Variants in SMAD2 observed in about 807,000 individuals in gnomAD.
The protein encoded by SMAD2 is MAD homolog 2.
In SMAD2, 8 loss-of-function variants were observed where a neutral mutation model predicts 64.4. The ratio of observed to expected loss-of-function variants is 0.12; its 90% CI spans 0.07 to 0.22. The LOEUF (loss-of-function observed/expected upper bound fraction) is 0.22, where lower values mean the gene tolerates loss of function less well. Among genes scored for constraint, SMAD2 ranks in the 10% least tolerant of loss-of-function variants. The probability of loss-of-function intolerance (pLI) is 1.00; values close to 1 mark genes in which losing one functional copy is unlikely to be tolerated. For missense variants in SMAD2, 289 were observed against 561.2 expected, an observed-to-expected ratio of 0.51 and a Z score of 4.90; for synonymous variants, 203 against 195.8, an observed-to-expected ratio of 1.04 and a Z score of -0.31.
At chr18:47,844,352 T>C (rs974974967) in intron 10 of SMAD2, among the ~76,000 whole-genome samples, 9 of 152,206 alleles carry the variant, frequency 5.9e-5, no homozygotes, top group African/African-American at 1.9e-4. Flanking sequence ...ACAATCACTA[T>C]ATTACATGAA....
rs370084368 is a variant in SMAD2, at chr18:47,839,535, C to T, written c.*2292G>A. ...GGCACTAAAACAGTGAGAGCTTACA[C>T]AACAAAAGCTTGTTAAATTAAGTAG... On this transcript the variant is annotated 3_prime_UTR_variant, in exon 11 of 11. Coordinates refer to ENST00000262160, the MANE Select transcript of SMAD2 (RefSeq NM_005901.6). 1 of 233,102 alleles carries T rather than the reference C, an allele frequency of 4.3e-6. No individual in the cohort carries two copies. Among genetic ancestry groups the T allele is most frequent in the African/African-American group, 2.2e-5 (1 of 45,316 alleles). 14.4% of individuals were successfully genotyped at this position (233,102 alleles called of 1,614,324 possible).
intron 2 of SMAD2, among the ~76,000 whole-genome samples, chr18:47,892,425 C>A (rs145992468): frequency 0.051 from 7,814 of 152,192 alleles, 669 homozygotes; most frequent in African/African-American, 0.18. Flanking sequence ...GTCTGAAACT[C>A]CTGACCTCAG....
At position 47,868,363 on chromosome 18, in the gene SMAD2, G is replaced by T. The variant is rs780724388; in HGVS notation, c.615C>A (p.Asn205Lys). 6.2e-7 allele frequency: 1 copy of T among 1,612,820 alleles called. No individual in the cohort carries two copies. The highest frequency in any genetic ancestry group is 8.5e-7 in the Non-Finnish European group (1 of 1,179,188). The part of the protein sequence containing the change: ...DYTHSIPENT[N>K]FPAGIEPQSN... ...TCTGTGGCTCAATTCCTGCTGGGAA[G>T]TTAGTGTTTTCTGGAATGGAGTGAG... is the stretch of plus-strand genomic sequence containing the variant. Residue 205 changes from asparagine to lysine, a missense_variant, in exon 5 of 11, where the codon AAC (asparagine) becomes AAA (lysine). By Grantham distance (94) the Asn-to-Lys change is moderately conservative. Transcript: ENST00000262160.
chr18:47,913,570 C>T (rs570390251), intron 1 of SMAD2, among the ~76,000 whole-genome samples: 4 of 152,256 alleles, frequency 2.6e-5, no homozygotes, highest in African/African-American at 9.6e-5. Flanking sequence ...GTAAGTAATG[C>T]TGATAATACA....
At chr18:47,861,230 C>A (rs987404872) in intron 6 of SMAD2, among the ~76,000 whole-genome samples, 1 of 152,006 alleles carries the variant, frequency 6.6e-6, no homozygotes, top group Admixed American at 6.6e-5. Context: ...GTAGTGCATG[C>A]CTGTAAACCC....
intron 3 of SMAD2, 53 bp from the exon 4 acceptor site, chr18:47,869,489 A>G (rs2144380413): frequency 7.2e-7 from 1 of 1,381,374 alleles, no homozygotes; most frequent in South Asian, 1.3e-5. Flanking sequence ...AAAAAAAAAA[A>G]AAAGTGCAGT....
In SMAD2 at chr18:47,869,441, T is replaced by C. The variant is rs1166440562; in HGVS notation, c.327-5A>G. On this transcript the variant is annotated splice_polypyrimidine_tract_variant and splice_region_variant and intron_variant, in intron 3 of 10. Transcript: ENST00000262160. ...TGGAGACGACCATCAAGAGACCTGT[T>C]GGGAAGCAAGGGGAAAAGAAAGGAG... 1 of 1,604,520 alleles carries C rather than the reference T, an allele frequency of 6.2e-7. No individual in the cohort carries two copies. The highest frequency in any genetic ancestry group is 8.5e-7 in the Non-Finnish European group (1 of 1,175,712).
chr18:47,867,993 C>G (rs2031691196), intron 5 of SMAD2, among the ~76,000 whole-genome samples: 1 of 152,084 alleles, frequency 6.6e-6, no homozygotes, highest in Admixed American at 6.6e-5. Flanking sequence ...TTCTCCTACA[C>G]CATTTGTTTT....
rs1333710940 is a variant in SMAD2 at position 47,832,534 on chromosome 18, T to TG, written c.*9292dup. The TG allele has an allele frequency of 1.3e-5, 2 of 152,190 alleles. No individual in the cohort carries two copies. The highest frequency in any genetic ancestry group is 2.4e-5 in the African/African-American group (1 of 41,450). 9.4% of individuals were successfully genotyped at this position (152,190 alleles called of 1,614,324 possible). A position where few individuals can be genotyped will look rare whatever the true frequency, so the allele number is the denominator to read the frequency against. On this transcript the variant is annotated 3_prime_UTR_variant, in exon 11 of 11. Coordinates refer to ENST00000262160, the MANE Select transcript of SMAD2 (RefSeq NM_005901.6). ...ATACTAAAGCATGTTTAAAATGGTT[T>TG]GCAGAAAACAGTCTGCTAACCAGTA... is the stretch of plus-strand genomic sequence containing the variant.
intron 6 of SMAD2, among the ~76,000 whole-genome samples, chr18:47,862,319 T>A (rs2031245352): frequency 6.6e-6 from 1 of 152,164 alleles, no homozygotes. Flanking sequence ...ACAAACTGGG[T>A]GGCTTAAAAC....
At chr18:47,885,398 C>T (rs992066382) in intron 2 of SMAD2, among the ~76,000 whole-genome samples, 3 of 152,122 alleles carry the variant, frequency 2.0e-5, no homozygotes, top group Admixed American at 1.3e-4. Context: ...GAACTCATGA[C>T]CTCAAGTGAC....
chr18:47,904,890 C>A (rs1169752524), intron 1 of SMAD2, among the ~76,000 whole-genome samples: 1 of 152,160 alleles, frequency 6.6e-6, no homozygotes, highest in African/African-American at 2.4e-5. Context: ...AAAAGGACAT[C>A]TATGAAAAAC....
intron 8 of SMAD2, among the ~76,000 whole-genome samples, chr18:47,846,186 A>C (rs1484547277): frequency 6.6e-6 from 1 of 152,160 alleles, no homozygotes; most frequent in Non-Finnish European, 1.5e-5. Flanking sequence ...GATCCCACTT[A>C]ATGTTAAGAA....
At position 47,817,244 on chromosome 18, in the gene SMAD2, T is replaced by A. The variant is rs1167388755; in HGVS notation, c.*24583A>T. 1 of 152,236 alleles carries A rather than the reference T, an allele frequency of 6.6e-6. No individual in the cohort carries two copies. Among genetic ancestry groups the A allele is most frequent in the African/African-American group, 2.4e-5 (1 of 41,462 alleles). 9.4% of individuals were successfully genotyped at this position (152,236 alleles called of 1,614,324 possible). A position where few individuals can be genotyped will look rare whatever the true frequency, so the allele number is the denominator to read the frequency against. ...CACAGGAGCCCTTTGGGCTCTCCGC[T>A]TACATAGCTTGTCTGTTCTGCCCCA... On this transcript the variant is annotated 3_prime_UTR_variant, in exon 11 of 11. Transcript: ENST00000262160.
chr18:47,818,037 A>C lies in SMAD2; in HGVS notation c.*23790T>G, dbSNP rs1912431276. Reference sequence around the variant, plus strand: ...CCTCATGCATGTTTTTGGATCAATGACCATCATAGAGATTGTCTATGCTTT... The same window carrying C: ...CCTCATGCATGTTTTTGGATCAATGCCCATCATAGAGATTGTCTATGCTTT... On this transcript the variant is annotated 3_prime_UTR_variant, in exon 11 of 11. Transcript: ENST00000262160. The C allele has an allele frequency of 1.3e-5, 2 of 152,220 alleles. No individual in the cohort carries two copies. Among genetic ancestry groups the C allele is most frequent in the African/African-American group, 4.8e-5 (2 of 41,450 alleles). The allele number at this position is 152,220 out of a possible 1,614,324, so 9.4% of individuals were successfully genotyped here. A position where few individuals can be genotyped will look rare whatever the true frequency, so the allele number is the denominator to read the frequency against.
Position 47,814,747 on chromosome 18 carries a change from T to C in SMAD2, c.*27080A>G, listed in dbSNP as rs1755075793. ...CTAGCTCAGCATTGGTGGAAGGAGG[T>C]GTCTAGTCAGTCTGAGAAAATGTTG... On this transcript the variant is annotated 3_prime_UTR_variant, in exon 11 of 11. Coordinates refer to ENST00000262160, the MANE Select transcript of SMAD2 (RefSeq NM_005901.6). 6.6e-6 allele frequency: 1 copy of C among 152,180 alleles called. No homozygotes were observed. The highest frequency in any genetic ancestry group is 2.1e-4 in the South Asian group (1 of 4,824). The allele number at this position is 152,180 out of a possible 1,614,324, so 9.4% of individuals were successfully genotyped here. A position where few individuals can be genotyped will look rare whatever the true frequency, so the allele number is the denominator to read the frequency against.
At chr18:47,849,265 A>C (rs1914843510) in intron 7 of SMAD2, among the ~76,000 whole-genome samples, 1 of 152,162 alleles carries the variant, frequency 6.6e-6, no homozygotes, top group African/African-American at 2.4e-5. Flanking sequence ...CACAAAGATC[A>C]TGCAAGTAGA....
intron 1 of SMAD2, among the ~76,000 whole-genome samples, chr18:47,908,208 C>T (rs1164195342): frequency 1.3e-5 from 2 of 152,090 alleles, no homozygotes; most frequent in Admixed American, 6.5e-5. Flanking sequence ...TACATGTAGG[C>T]AAATGTTCGT....
intron 1 of SMAD2, among the ~76,000 whole-genome samples, chr18:47,905,056 T>G (rs906383059): frequency 2.0e-5 from 3 of 152,076 alleles, no homozygotes; most frequent in Non-Finnish European, 4.4e-5. Context: ...TGGAAAGAAA[T>G]AAATAAAACT....
Sources: gnomAD v4.1 joint callset for allele counts (sites outside exome capture counted in the v4.1 genomes callset) on GRCh38, gnomAD v4.1.1 for gene constraint, MANE v1.5 for transcripts, NCBI Gene and HGNC (gene_info 2026-07-23, HGNC 2026-07-21) for gene names.